Variants in KLRG1 observed in about 807,000 individuals in gnomAD.
KLRG1 encodes killer cell lectin-like receptor subfamily G member 1.
Under a neutral mutation model 21.8 loss-of-function variants are expected in KLRG1, and 16 were observed. That is an observed-to-expected ratio of 0.73 (90% CI 0.50 to 1.11). The LOEUF (loss-of-function observed/expected upper bound fraction) is 1.11, where lower values mean the gene tolerates loss of function less well. Among genes scored for constraint, KLRG1 ranks in the 50% most tolerant of loss-of-function variants. The pLI is 0.00. For missense variants in KLRG1, 173 were observed against 218.3 expected, an observed-to-expected ratio of 0.79 and a Z score of 1.31; for synonymous variants, 69 against 75.9, an observed-to-expected ratio of 0.91 and a Z score of 0.47.
intron 1 of KLRG1, among the ~76,000 whole-genome samples, chr12:8,967,997 G>C (rs778087233): frequency 6.8e-6 from 1 of 147,986 alleles, no homozygotes; most frequent in Non-Finnish European, 1.5e-5. Context: ...GGAGGAGGGA[G>C]GGAATAAATC....
the KLRG1 span, chr12:9,196,648 G>T: frequency 6.2e-7 from 1 of 1,613,554 alleles, no homozygotes; most frequent in Non-Finnish European, 8.5e-7. Flanking sequence ...GAGCATTTTG[G>T]TGTGTACTTG....
chr12:9,053,270 CCTGTGACCCT>C, the KLRG1 span, among the ~76,000 whole-genome samples: 3 of 152,032 alleles, frequency 2.0e-5, no homozygotes, highest in South Asian at 6.2e-4. Flanking sequence ...GCTGTGACCA[CCTGTGACCCT>C]GAACTAGAAT....
the KLRG1 span, among the ~76,000 whole-genome samples, chr12:9,173,699 C>A: frequency 1.3e-5 from 2 of 152,132 alleles, no homozygotes; most frequent in East Asian, 1.9e-4. Context: ...ACTATAAACA[C>A]CTCTGTCTAT....
the KLRG1 span, among the ~76,000 whole-genome samples, chr12:9,132,621 G>T: frequency 6.6e-6 from 1 of 152,158 alleles, no homozygotes; most frequent in Non-Finnish European, 1.5e-5. Context: ...GGCTAATTCA[G>T]TGTTCAGTTG....
chr12:9,117,621 G>A, the KLRG1 span, among the ~76,000 whole-genome samples: 4 of 152,152 alleles, frequency 2.6e-5, no homozygotes. Flanking sequence ...AGGGCTGAGG[G>A]TTGGGAAGAT....
At chr12:9,041,391 C>G in the KLRG1 span, among the ~76,000 whole-genome samples, 1 of 152,192 alleles carries the variant, frequency 6.6e-6, no homozygotes, top group South Asian at 2.1e-4. Context: ...AATTGATGCA[C>G]TATAAACTGC....
the KLRG1 span, chr12:9,090,364 T>G: frequency 6.2e-7 from 1 of 1,614,006 alleles, no homozygotes; most frequent in Non-Finnish European, 8.5e-7. Flanking sequence ...ACCTAATGAC[T>G]TTGGGGTTAC....
At chr12:9,104,379 C>T in the KLRG1 span, 2 of 1,594,170 alleles carry the variant, frequency 1.3e-6, no homozygotes, top group South Asian at 1.1e-5. Context: ...ATAGGGACGC[C>T]TTTCCCATCT....
chr12:9,039,538 G>A, the KLRG1 span, among the ~76,000 whole-genome samples: 1 of 152,006 alleles, frequency 6.6e-6, no homozygotes, highest in Non-Finnish European at 1.5e-5. Context: ...AACAACTGAT[G>A]TCTTACTACA....
At chr12:8,959,360 G>A (rs1296930383) in intron 1 of KLRG1, among the ~76,000 whole-genome samples, 1 of 152,116 alleles carries the variant, frequency 6.6e-6, no homozygotes, top group Non-Finnish European at 1.5e-5. Context: ...AGCATTTCAG[G>A]AGACCAAGAG....
chr12:9,119,816 T>A, the KLRG1 span, among the ~76,000 whole-genome samples: 2 of 152,096 alleles, frequency 1.3e-5, no homozygotes, highest in African/African-American at 4.8e-5. Flanking sequence ...TTCATTATAA[T>A]CACAGATAAA....
At chr12:9,182,181 G>C in the KLRG1 span, 1 of 212,006 alleles carries the variant, frequency 4.7e-6, no homozygotes, top group Non-Finnish European at 7.6e-6. Flanking sequence ...TAAAAATAGT[G>C]TCATAAGGAC....
chr12:9,192,533 C>T, the KLRG1 span: 22 of 1,613,532 alleles, frequency 1.4e-5, no homozygotes, highest in Non-Finnish European at 1.7e-5. Flanking sequence ...AACTGAGCTC[C>T]GATAACTCTC....
the KLRG1 span, among the ~76,000 whole-genome samples, chr12:9,160,752 A>G: frequency 3.3e-5 from 5 of 152,096 alleles, no homozygotes; most frequent in Non-Finnish European, 7.4e-5. Flanking sequence ...GTCTCTACTA[A>G]AAATACAAAA....
chr12:9,037,663 C>A, the KLRG1 span, among the ~76,000 whole-genome samples: 1 of 152,164 alleles, frequency 6.6e-6, no homozygotes, highest in Admixed American at 6.5e-5. Flanking sequence ...CCTGCAAACC[C>A]CATTCGTGGT....
downstream of KLRG1, chr12:9,010,790 A>G (rs1947620561): frequency 6.6e-6 from 1 of 152,232 alleles, no homozygotes; most frequent in South Asian, 2.1e-4. Flanking sequence ...CTGTTAGCCC[A>G]TAAATTAGAG....
At chr12:9,065,444 G>A in the KLRG1 span, among the ~76,000 whole-genome samples, 3 of 152,110 alleles carry the variant, frequency 2.0e-5, no homozygotes, top group South Asian at 2.1e-4. Context: ...GAGCAAGGTC[G>A]GGCCGAGCCT....
chr12:9,025,624 G>A, the KLRG1 span, among the ~76,000 whole-genome samples: 1 of 152,188 alleles, frequency 6.6e-6, no homozygotes, highest in Non-Finnish European at 1.5e-5. Flanking sequence ...ATGACAGAGT[G>A]AGACTTCATC....
chr12:9,152,273 C>T, the KLRG1 span: 1 of 1,613,346 alleles, frequency 6.2e-7, no homozygotes, highest in Non-Finnish European at 8.5e-7. Context: ...TTTACATCAA[C>T]AATCACCATA....
Sources: allele counts gnomAD v4.1 joint callset (sites outside exome capture counted in the v4.1 genomes callset), GRCh38; gene constraint gnomAD v4.1.1; transcripts MANE v1.5; gene names NCBI Gene and HGNC (gene_info 2026-07-23, HGNC 2026-07-21).